Variants in CASZ1 observed in about 807,000 individuals in gnomAD.
CASZ1 encodes zinc finger protein castor homolog 1.
CASZ1 carries 28 observed loss-of-function variants against 135.2 expected under a neutral mutation model. The ratio of observed to expected loss-of-function variants is 0.21; its 90% CI spans 0.15 to 0.28. The LOEUF is 0.28. CASZ1 is among the 10% of genes least tolerant of loss of function. The probability of loss-of-function intolerance (pLI) is 1.00; values close to 1 mark genes in which losing one functional copy is unlikely to be tolerated. For missense variants in CASZ1, 2,161 were observed against 2,453.3 expected (o/e 0.88, Z 2.52); for synonymous variants, 1,068 against 1,073.4 (o/e 0.99, Z 0.10).
At chr1:10,787,091 A>G (rs1640872743) in intron 1 of CASZ1, among the ~76,000 whole-genome samples, 1 of 152,240 alleles carries the variant, frequency 6.6e-6, no homozygotes, top group African/African-American at 2.4e-5. Context: ...GGACTTTCAT[A>G]GCTAAGAGCC....
At position 10,719,515 on chromosome 1, in the gene CASZ1, C is replaced by T. The variant is rs1302921450; in HGVS notation, c.-76-13971G>A. Among the ~76,000 whole-genome samples the T allele has an allele frequency of 1.3e-5, 2 of 152,174 alleles. No individual in the cohort carries two copies. The highest frequency in any genetic ancestry group is 2.4e-5 in the African/African-American group (1 of 41,448). ...GGGAGAAGGGATCCCTAAGAAGCAG[C>T]GCTGTGGGGAAGGTGGCACCGAACA... is the stretch of plus-strand genomic sequence containing the variant. On this transcript the variant is annotated intron_variant, in intron 2 of 20. Transcript: ENST00000377022. The surrounding 1 kb of genome is among the most constrained non-coding windows in gnomAD (Gnocchi z 4.0).
At chr1:10,678,625 T>G (rs1186642451) in intron 4 of CASZ1, among the ~76,000 whole-genome samples, 1 of 152,020 alleles carries the variant, frequency 6.6e-6, no homozygotes, top group East Asian at 1.9e-4. Flanking sequence ...AAATTAGATC[T>G]GAAAGCTGAC....
intron 2 of CASZ1, among the ~76,000 whole-genome samples, chr1:10,732,861 G>A (rs750522327): frequency 3.3e-5 from 5 of 152,112 alleles, no homozygotes; most frequent in African/African-American, 9.7e-5. Context: ...ATTTAGAGCC[G>A]AACAGGGAGT....
chr1:10,686,459 G>A (rs1024838168), intron 4 of CASZ1, among the ~76,000 whole-genome samples: 1 of 152,164 alleles, frequency 6.6e-6, no homozygotes, highest in Non-Finnish European at 1.5e-5. Flanking sequence ...TGTTTTACCT[G>A]GGACAGCCTG....
In CASZ1 at chr1:10,777,250, G is replaced by A. The variant is rs1187896487; in HGVS notation, c.-233-16393C>T. Reference sequence around the variant, plus strand: ...ACCCGAGCCTCGGAAGCTCAGCTGGGAATCTGTTCCTGAGGACAGGACAAG... The same window carrying A: ...ACCCGAGCCTCGGAAGCTCAGCTGGAAATCTGTTCCTGAGGACAGGACAAG... On this transcript the variant is annotated intron_variant, in intron 1 of 20. Transcript: ENST00000377022. This position sits in a 1 kb window ranked among gnomAD's most constrained non-coding sequence, Gnocchi z 4.4. Among the ~76,000 whole-genome samples, 1 of 152,178 alleles carries A rather than the reference G, an allele frequency of 6.6e-6. No individual in the cohort carries two copies. Among genetic ancestry groups the A allele is most frequent in the African/African-American group, 2.4e-5 (1 of 41,436 alleles).
rs988122715 is a variant in CASZ1, at chr1:10,673,421, G to T, written c.17-7850C>A. Among the ~76,000 whole-genome samples, 17 of 152,048 alleles carry T rather than the reference G, an allele frequency of 1.1e-4. No individual in the cohort carries two copies. The East Asian group carries it at 2.7e-3, about 24-fold the overall frequency. ...CCTTCGCCTAACAGCCTTCTTATCCGCCAGGGAGGGGGAGGTTGTGTGTGT... is the reference window on the plus strand; with the variant it reads ...CCTTCGCCTAACAGCCTTCTTATCCTCCAGGGAGGGGGAGGTTGTGTGTGT... On this transcript the variant is annotated intron_variant, in intron 4 of 20. Coordinates refer to ENST00000377022, the MANE Select transcript of CASZ1 (RefSeq NM_001079843.3).
rs61116150 is a variant in CASZ1, at chr1:10,751,971, G to C, written c.-77+8730C>G. Among the ~76,000 whole-genome samples, 54 of 152,288 alleles carry C rather than the reference G, an allele frequency of 3.5e-4. 1 individual carries two copies. The highest frequency in any genetic ancestry group is 2.8e-3 in the Admixed American group (43 of 15,300). On this transcript the variant is annotated intron_variant, in intron 2 of 20. Coordinates refer to ENST00000377022, the MANE Select transcript of CASZ1 (RefSeq NM_001079843.3). Reference sequence around the variant, plus strand: ...CACAGGAACGGATCTAGGATGTGAGGGGTCACCAGAGGGAGCAGTAAGGAC... The same window carrying C: ...CACAGGAACGGATCTAGGATGTGAGCGGTCACCAGAGGGAGCAGTAAGGAC...
chr1:10,693,971 G>C, intron 3 of CASZ1, 59 bp from the exon 4 acceptor site: 1 of 1,530,476 alleles, frequency 6.5e-7, no homozygotes. Context: ...TTAGCGTCTC[G>C]CGGGACCCCG....
At position 10,649,431 on chromosome 1, in the gene CASZ1, G is replaced by C; in HGVS notation, c.2887C>G (p.Gln963Glu). The change falls in exon 14 of 21, where the codon CAG becomes GAG. Residue 963 changes from glutamine to glutamate, a missense_variant. Coordinates refer to ENST00000377022, the MANE Select transcript of CASZ1 (RefSeq NM_001079843.3). ...AGGCTGCCCAGGCCAGGGTTGCCCT[G>C]AGACATCTGTGAGGGACAGAGGCCG... is the stretch of plus-strand genomic sequence containing the variant. ...LLSSLMNKMS[Q>E]GNPGLGSLLN... 2 of 1,608,758 alleles carry C rather than the reference G, an allele frequency of 1.2e-6. No homozygotes were observed. The highest frequency in any genetic ancestry group is 1.1e-5 in the South Asian group (1 of 90,488).
intron 1 of CASZ1, among the ~76,000 whole-genome samples, chr1:10,778,491 C>T (rs1640701792): frequency 6.6e-6 from 1 of 152,152 alleles, no homozygotes; most frequent in Non-Finnish European, 1.5e-5. Flanking sequence ...CAATCACAGT[C>T]TCAAACACAG....
At chr1:10,686,603 C>G (rs1638600233) in intron 4 of CASZ1, among the ~76,000 whole-genome samples, 1 of 152,232 alleles carries the variant, frequency 6.6e-6, no homozygotes, top group Non-Finnish European at 1.5e-5. Flanking sequence ...TCACTGCGCC[C>G]CTCCCCGCCA....
intron 2 of CASZ1, among the ~76,000 whole-genome samples, chr1:10,746,908 A>G (rs1640052133): frequency 6.6e-6 from 1 of 152,232 alleles, no homozygotes; most frequent in South Asian, 2.1e-4. Flanking sequence ...CCCCACTCCC[A>G]GGAGCCGTTT....
At position 10,758,331 on chromosome 1, in the gene CASZ1, T is replaced by TC. The variant is rs869259542; in HGVS notation, c.-77+2369_-77+2370insG. On this transcript the variant is annotated intron_variant, in intron 2 of 20. Coordinates refer to ENST00000377022, the MANE Select transcript of CASZ1 (RefSeq NM_001079843.3). ...CCAGACCCTCTTCTCTCTCTCTCTT[T>TC]TTTTTTTTTTTTTTTTTTGAGACAG... Among the ~76,000 whole-genome samples, 4 of 91,626 alleles carry TC rather than the reference T, an allele frequency of 4.4e-5. No individual in the cohort carries two copies. In the South Asian group the frequency reaches 1.3e-3, roughly 30 times the overall value. The allele number at this position is 91,626 out of a possible 152,430, so 60.1% of individuals were successfully genotyped here.
chr1:10,648,229 C>A, intron 15 of CASZ1, 90 bp from the exon 16 acceptor site: 1 of 925,018 alleles, frequency 1.1e-6, no homozygotes, highest in South Asian at 1.8e-5. Context: ...GCCTAGACCC[C>A]GGTGTCCGTC....
intron 2 of CASZ1, among the ~76,000 whole-genome samples, chr1:10,736,065 G>T (rs144616547): frequency 2.6e-5 from 4 of 152,110 alleles, no homozygotes; most frequent in African/African-American, 7.2e-5. Context: ...AGTCATGAAC[G>T]ATGTCCCAGT....
At chr1:10,748,963 G>A (rs573680016) in intron 2 of CASZ1, among the ~76,000 whole-genome samples, 4 of 152,302 alleles carry the variant, frequency 2.6e-5, no homozygotes, top group Non-Finnish European at 5.9e-5. Context: ...ACTCGCTTCT[G>A]TCTTTGGGGG....
Position 10,643,153 on chromosome 1 carries a change from C to G in CASZ1, c.4020+7G>C, listed in dbSNP as rs747869022. ...TGGCTGGGCTCTCACCTGGGGGGGGCTCTCACCTGGGAGGGGGGCACGCGG... is the reference window on the plus strand; with the variant it reads ...TGGCTGGGCTCTCACCTGGGGGGGGGTCTCACCTGGGAGGGGGGCACGCGG... On this transcript the variant is annotated splice_region_variant and intron_variant, in intron 19 of 20. Transcript: ENST00000377022. The G allele has an allele frequency of 3.1e-6, 5 of 1,609,936 alleles. No individual in the cohort carries two copies. The highest frequency in any genetic ancestry group is 1.3e-5 in the African/African-American group (1 of 74,932).
chr1:10,769,386 T>C (rs1046821530), intron 1 of CASZ1, among the ~76,000 whole-genome samples: 1 of 152,166 alleles, frequency 6.6e-6, no homozygotes, highest in African/African-American at 2.4e-5. Flanking sequence ...CTTTAATGAA[T>C]GAAAGTTTAA....
At chr1:10,722,655 G>A (rs1639521974) in intron 2 of CASZ1, among the ~76,000 whole-genome samples, 1 of 152,252 alleles carries the variant, frequency 6.6e-6, no homozygotes, top group African/African-American at 2.4e-5. Context: ...TATCCAGTGA[G>A]CACCAATTCG....
Sources: gnomAD v4.1 joint callset for allele counts (sites outside exome capture counted in the v4.1 genomes callset) on GRCh38, gnomAD v4.1.1 for gene constraint, Gnocchi (gnomAD v3.1) non-coding constraint, MANE v1.5 for transcripts, NCBI Gene and HGNC (gene_info 2026-07-23, HGNC 2026-07-21) for gene names.